The following EVI5L variants were observed in gnomAD, a reference collection of about 807,000 sequenced individuals.
The protein encoded by EVI5L is EVI5-like protein.
In EVI5L, 30 loss-of-function variants were observed where a neutral mutation model predicts 106.1. The ratio of observed to expected loss-of-function variants is 0.28; its 90% CI spans 0.21 to 0.38. EVI5L has a LOEUF of 0.38. EVI5L is among the 10% of genes least tolerant of loss of function. EVI5L has a pLI of 1.00. For missense variants in EVI5L, 809 were observed against 1,098.0 expected (o/e 0.74, Z 3.72); for synonymous variants, 489 against 483.3 (o/e 1.01, Z -0.15).
At chr19:7,843,384 A>AGTGTGGGCAT (rs1555692196) in intron 1 of EVI5L, among the ~76,000 whole-genome samples, 1 of 24,940 alleles carries the variant, frequency 4.0e-5, no homozygotes. Context: ...GGGTGTGTCG[A>AGTGTGGGCAT]GTGTGTGCAT....
At chr19:7,841,980 T>C (rs1373825357) in intron 1 of EVI5L, among the ~76,000 whole-genome samples, 1 of 152,206 alleles carries the variant, frequency 6.6e-6, no homozygotes, top group Admixed American at 6.5e-5. Flanking sequence ...GGGTGAGCGC[T>C]GCTCGGTGCA....
At chr19:7,836,890 C>G (rs1211800968) in intron 1 of EVI5L, among the ~76,000 whole-genome samples, 1 of 151,522 alleles carries the variant, frequency 6.6e-6, no homozygotes, top group Non-Finnish European at 1.5e-5. Context: ...CCCTCAGCCT[C>G]CCACAGTGCT....
chr19:7,832,572 G>A (rs1978298175), intron 1 of EVI5L, among the ~76,000 whole-genome samples: 1 of 152,084 alleles, frequency 6.6e-6, no homozygotes, highest in Non-Finnish European at 1.5e-5. Context: ...TTCCCCCAGT[G>A]CCGTGTGGAA....
At chr19:7,842,541 A>G (rs1204397236) in intron 1 of EVI5L, among the ~76,000 whole-genome samples, 1 of 141,930 alleles carries the variant, frequency 7.0e-6, no homozygotes, top group Non-Finnish European at 1.5e-5. Flanking sequence ...ATTGGGGTGT[A>G]TCAAGTGTGT....
intron 1 of EVI5L, among the ~76,000 whole-genome samples, chr19:7,833,545 G>A (rs1227402407): frequency 6.6e-6 from 1 of 152,236 alleles, no homozygotes; most frequent in Non-Finnish European, 1.5e-5. Context: ...GGGGTGTTGG[G>A]GAAGGCACAG....
intron 1 of EVI5L, among the ~76,000 whole-genome samples, chr19:7,840,689 G>A (rs1978562507): frequency 6.6e-6 from 1 of 151,838 alleles, no homozygotes; most frequent in South Asian, 2.1e-4. Context: ...GCCTATTCTG[G>A]ACATTCCGTA....
intron 1 of EVI5L, among the ~76,000 whole-genome samples, chr19:7,844,460 G>T (rs1179395697): frequency 8.5e-5 from 13 of 152,140 alleles, no homozygotes; most frequent in Admixed American, 8.5e-4. Flanking sequence ...TCCATCTGTG[G>T]TTCTGAGGCT....
At chr19:7,837,099 G>A (rs1424020244) in intron 1 of EVI5L, among the ~76,000 whole-genome samples, 4 of 151,512 alleles carry the variant, frequency 2.6e-5, no homozygotes, top group East Asian at 2.0e-4. Flanking sequence ...GGGAGGCTGA[G>A]GCGGGCGGAT....
intron 10 of EVI5L, among the ~76,000 whole-genome samples, chr19:7,855,633 G>A (rs763251964): frequency 5.3e-5 from 8 of 152,164 alleles, no homozygotes; most frequent in Non-Finnish European, 8.8e-5. Flanking sequence ...CGAGGGGTGG[G>A]TGGTGGCTGC....
Position 7,848,043 on chromosome 19 carries a change from G to A in EVI5L, c.327+122G>A. On this transcript the variant is annotated intron_variant, in intron 3 of 19. Coordinates refer to ENST00000538904, the MANE Select transcript of EVI5L (RefSeq NM_001159944.3). This position sits in a 1 kb window ranked among gnomAD's most constrained non-coding sequence, Gnocchi z 4.8. ...GCCTGGGCACAGCGGCAGCAGTGGA[G>A]ATGTGCAGGCACTTTCAGGGTGTCC... 1 of 1,072,380 alleles carries A rather than the reference G, an allele frequency of 9.3e-7. No homozygotes were observed. Among genetic ancestry groups the A allele is most frequent in the Non-Finnish European group, 1.3e-6 (1 of 763,546 alleles). The allele number at this position is 1,072,380 out of a possible 1,614,324, so 66.4% of individuals were successfully genotyped here.
At chr19:7,861,777 A>G (rs1331120603) in intron 14 of EVI5L, 101 bp from the exon 15 acceptor site, 13 of 1,466,776 alleles carry the variant, frequency 8.9e-6, no homozygotes, top group African/African-American at 8.4e-5. Flanking sequence ...GAGCCGCCCA[A>G]GGCAGAGCTC....
At position 7,845,127 on chromosome 19, in the gene EVI5L, C is replaced by T. The variant is rs150152661; in HGVS notation, c.-47-1369C>T. On this transcript the variant is annotated intron_variant, in intron 1 of 19. Coordinates refer to ENST00000538904, the MANE Select transcript of EVI5L (RefSeq NM_001159944.3). This position sits in a 1 kb window ranked among gnomAD's most constrained non-coding sequence, Gnocchi z 4.0. The stretch of plus-strand genomic sequence containing the variant: ...CCTCTCTGTAGGTGGAGCTGTCAGC[C>T]AGGTCAGGTGGGGTCAAGTGGCACA... 6.4e-3 allele frequency among the ~76,000 whole-genome samples: 972 copies of T among 152,228 alleles called. 10 individuals carry two copies. Among genetic ancestry groups the T allele is most frequent in the African/African-American group, 0.023 (939 of 41,512 alleles).
intron 1 of EVI5L, among the ~76,000 whole-genome samples, chr19:7,834,554 A>G (rs149142901): frequency 6.6e-6 from 1 of 152,078 alleles, no homozygotes; most frequent in Non-Finnish European, 1.5e-5. Context: ...TTCTAGTTTT[A>G]CTGTGTTTAC....
In EVI5L at chr19:7,847,777, G is replaced by T. The variant is rs771840893; in HGVS notation, c.183G>T (p.Ser61=). 3.7e-6 allele frequency: 6 copies of T among 1,612,748 alleles called. No homozygotes were observed. The highest frequency in any genetic ancestry group is 5.1e-6 in the Non-Finnish European group (6 of 1,179,770). Residue 61 remains serine, a synonymous_variant, in exon 3 of 20, where the codon TCG becomes TCT. Transcript: ENST00000538904. ...DSKSMRSMNG[S]RRNSGSSLVS... is the part of the protein sequence containing the mutation. Reference sequence around the variant, plus strand: ...AGTCCATGCGCTCCATGAATGGCTCGCGGCGGAACAGTGGCTCCTCGCTAG... The same window carrying T: ...AGTCCATGCGCTCCATGAATGGCTCTCGGCGGAACAGTGGCTCCTCGCTAG...
In EVI5L at chr19:7,861,936, CGCTCAAGGT is replaced by C; in HGVS notation, c.1565_1573del (p.Leu522_Val524del). 6.5e-7 allele frequency: 1 copy of C among 1,550,128 alleles called. No homozygotes were observed. Among genetic ancestry groups the C allele is most frequent in the Non-Finnish European group, 8.7e-7 (1 of 1,146,952 alleles). ...GCGCAGCTGCAGGAGGAGCTGAAGG[CGCTCAAGGT>C]GCGGGAAGGCCAGGCGGTGGCCTCG... On this transcript the variant is annotated inframe_deletion, in exon 15 of 20. Coordinates refer to ENST00000538904, the MANE Select transcript of EVI5L (RefSeq NM_001159944.3).
Position 7,857,268 on chromosome 19 carries a change from G to C in EVI5L, c.1233+144G>C, listed in dbSNP as rs889087300. 3 of 1,157,764 alleles carry C rather than the reference G, an allele frequency of 2.6e-6. No homozygotes were observed. The African/African-American group carries it at 4.6e-5, about 18-fold the overall frequency. 71.7% of individuals were successfully genotyped at this position (1,157,764 alleles called of 1,614,324 possible). A position where few individuals can be genotyped will look rare whatever the true frequency, so the allele number is the denominator to read the frequency against. The stretch of plus-strand genomic sequence containing the variant: ...ATGGAGCAGCTGGGGACCGCTTCTG[G>C]GGGACACAGAGGCTTCCCGGGGGGG... On this transcript the variant is annotated intron_variant, in intron 12 of 19. Coordinates refer to ENST00000538904, the MANE Select transcript of EVI5L (RefSeq NM_001159944.3). The surrounding 1 kb of genome is among the most constrained non-coding windows in gnomAD (Gnocchi z 4.5).
At chr19:7,855,631 G>A (rs1979483794) in intron 10 of EVI5L, among the ~76,000 whole-genome samples, 1 of 152,174 alleles carries the variant, frequency 6.6e-6, no homozygotes, top group African/African-American at 2.4e-5. Flanking sequence ...AGCGAGGGGT[G>A]GGTGGTGGCT....
At position 7,862,108 on chromosome 19, in the gene EVI5L, G is replaced by A. The variant is rs767136074; in HGVS notation, c.1645-14G>A. ...GCGGAGGCTGACCGCCGGCTTCTCG[G>A]CTTCACCCCCCAGGCCCATCTGGCC... On this transcript the variant is annotated splice_polypyrimidine_tract_variant and intron_variant, in intron 15 of 19. Coordinates refer to ENST00000538904, the MANE Select transcript of EVI5L (RefSeq NM_001159944.3). 6.4e-7 allele frequency: 1 copy of A among 1,559,582 alleles called. No individual in the cohort carries two copies.
At chr19:7,830,862 A>C in intron 1 of EVI5L, among the ~76,000 whole-genome samples, 1 of 91,644 alleles carries the variant, frequency 1.1e-5, no homozygotes, top group East Asian at 2.9e-4. Context: ...ACGTCCTCCT[A>C]TCTTGGGCCC....
Sources: gnomAD v4.1 joint callset for allele counts (sites outside exome capture counted in the v4.1 genomes callset) on GRCh38, gnomAD v4.1.1 for gene constraint, Gnocchi (gnomAD v3.1) non-coding constraint, MANE v1.5 for transcripts, NCBI Gene and HGNC (gene_info 2026-07-23, HGNC 2026-07-21) for gene names.